The following CFAP96 variants were observed in gnomAD, a reference collection of about 807,000 sequenced individuals.
CFAP96 encodes cilia and flagella associated protein 96, also known as cilia-and flagella-associated protein 96.
the CFAP96 span, among the ~76,000 whole-genome samples, chr4:185,443,921 C>CTTTTTTTTTT: frequency 1.2e-4 from 10 of 82,856 alleles, no homozygotes; most frequent in African/African-American, 2.8e-4. Flanking sequence ...CTATATCTTT[C>CTTTTTTTTTT]TTTTTTTTTT....
chr4:185,432,034 C>T, the CFAP96 span: 1 of 1,551,514 alleles, frequency 6.4e-7, no homozygotes, highest in Non-Finnish European at 8.7e-7. Context: ...CTGGAGGGTC[C>T]AAAGAAATGT....
chr4:185,438,807 C>G, the CFAP96 span, among the ~76,000 whole-genome samples: 1,030 of 152,318 alleles, frequency 6.8e-3, 11 homozygotes, highest in African/African-American at 0.024. Context: ...TTATTCCCCA[C>G]TACTGGGGCA....
At chr4:185,443,408 A>G in the CFAP96 span, among the ~76,000 whole-genome samples, 5 of 132,056 alleles carry the variant, frequency 3.8e-5, no homozygotes, top group South Asian at 7.3e-4. Context: ...CAGTGGCACG[A>G]TCTTGGCTCA....
At chr4:185,417,990 G>A in the CFAP96 span, among the ~76,000 whole-genome samples, 1 of 150,396 alleles carries the variant, frequency 6.6e-6, no homozygotes, top group East Asian at 2.0e-4. Context: ...GTTGCAGTGA[G>A]CCGAGATCGT....
chr4:185,424,651 T>C, the CFAP96 span, among the ~76,000 whole-genome samples: 1 of 152,102 alleles, frequency 6.6e-6, no homozygotes, highest in Non-Finnish European at 1.5e-5. Context: ...TAATAAGAAA[T>C]CAGTTAAATA....
chr4:185,415,407 G>C, the CFAP96 span: 9 of 1,387,476 alleles, frequency 6.5e-6, no homozygotes, highest in Non-Finnish European at 8.7e-6. Context: ...ATAAAGAAAA[G>C]TACAGAGCTA....
chr4:185,443,924 T>TCTTTC, the CFAP96 span, among the ~76,000 whole-genome samples: 2 of 1,278 alleles, frequency 1.6e-3, no homozygotes, highest in African/African-American at 2.5e-3. Context: ...TATCTTTCTT[T>TCTTTC]TTTTTTTTTT....
chr4:185,425,973 A>C, the CFAP96 span: 1 of 1,286,492 alleles, frequency 7.8e-7, no homozygotes, highest in South Asian at 1.3e-5. Flanking sequence ...GCCCGGGCGG[A>C]CCAACTACAA....
At chr4:185,436,212 CG>C in the CFAP96 span, 1 of 1,544,214 alleles carries the variant, frequency 6.5e-7, no homozygotes, top group Admixed American at 2.0e-5. Flanking sequence ...TTTGTCATAT[CG>C]TTTGTTTTGA....
the CFAP96 span, among the ~76,000 whole-genome samples, chr4:185,442,348 T>C: frequency 7.2e-5 from 11 of 152,104 alleles, no homozygotes; most frequent in Non-Finnish European, 1.5e-4. Flanking sequence ...CTATCTCCCT[T>C]GTAGAGTTTT....
At chr4:185,435,739 C>T in the CFAP96 span, among the ~76,000 whole-genome samples, 3 of 152,236 alleles carry the variant, frequency 2.0e-5, no homozygotes, top group East Asian at 5.8e-4. Context: ...TGCCATAAAG[C>T]ATCCATAAAT....
At chr4:185,443,899 G>T in the CFAP96 span, among the ~76,000 whole-genome samples, 1 of 138,252 alleles carries the variant, frequency 7.2e-6, no homozygotes, top group Admixed American at 7.2e-5. Context: ...TGGAAAACCT[G>T]AAAACTTATA....
chr4:185,443,342 A>ATATATATATAT, the CFAP96 span, among the ~76,000 whole-genome samples: 46 of 26,720 alleles, frequency 1.7e-3, 1 homozygote, highest in East Asian at 8.8e-3. Flanking sequence ...ATATATATAT[A>ATATATATATAT]TTTTTTTTTT....
the CFAP96 span, among the ~76,000 whole-genome samples, chr4:185,443,189 T>TA: frequency 2.0e-5 from 3 of 151,764 alleles, no homozygotes; most frequent in African/African-American, 7.2e-5. Flanking sequence ...TCTCAATTCT[T>TA]ACATTTCTTT....
the CFAP96 span, among the ~76,000 whole-genome samples, chr4:185,421,512 G>A: frequency 6.6e-6 from 1 of 152,070 alleles, no homozygotes; most frequent in African/African-American, 2.4e-5. Flanking sequence ...AAAAGAGCCT[G>A]GCACCTCCTC....
chr4:185,415,652 A>G, the CFAP96 span: 1 of 1,463,108 alleles, frequency 6.8e-7, no homozygotes. Context: ...ATATACAAAC[A>G]TGGGTTTGGG....
At chr4:185,445,325 C>G in the CFAP96 span, 1 of 719,024 alleles carries the variant, frequency 1.4e-6, no homozygotes, top group Non-Finnish European at 2.2e-6. Flanking sequence ...TCTGAAATTC[C>G]CAGCTGAGAA....
chr4:185,445,517 A>C, the CFAP96 span: 1 of 1,578,816 alleles, frequency 6.3e-7, no homozygotes. Flanking sequence ...GATGCTTGAG[A>C]GTTCTGTCTT....
At chr4:185,425,919 G>T in the CFAP96 span, 2 of 1,573,540 alleles carry the variant, frequency 1.3e-6, no homozygotes, top group Non-Finnish European at 1.7e-6. Context: ...AAAAGTTCCG[G>T]GGGCCGGCCC....
Sources: allele counts gnomAD v4.1 joint callset (sites outside exome capture counted in the v4.1 genomes callset), GRCh38; gene constraint gnomAD v4.1.1; transcripts MANE v1.5; gene names NCBI Gene and HGNC (gene_info 2026-07-23, HGNC 2026-07-21).